Variants in HS6ST3 observed in about 807,000 individuals in gnomAD.
The protein encoded by HS6ST3 is heparan-sulfate 6-O-sulfotransferase 3.
Under a neutral mutation model 36.7 loss-of-function variants are expected in HS6ST3, and 12 were observed. That is an observed-to-expected ratio of 0.33 (90% CI 0.21 to 0.53). HS6ST3 has a LOEUF of 0.53. HS6ST3 is among the 20% of genes least tolerant of loss of function. The pLI, the probability that HS6ST3 is intolerant of heterozygous loss-of-function variation, is 0.95. For missense variants in HS6ST3, 584 were observed against 640.9 expected, an observed-to-expected ratio of 0.91 and a Z score of 0.96; for synonymous variants, 240 against 257.5, an observed-to-expected ratio of 0.93 and a Z score of 0.65.
intron 1 of HS6ST3, among the ~76,000 whole-genome samples, chr13:96,499,930 T>A (rs973852395): frequency 2.6e-5 from 4 of 152,206 alleles, no homozygotes; most frequent in Non-Finnish European, 4.4e-5. Flanking sequence ...TACAGCTTTA[T>A]TCAGATATGA....
At chr13:96,500,230 G>A (rs1423277436) in intron 1 of HS6ST3, among the ~76,000 whole-genome samples, 1 of 152,070 alleles carries the variant, frequency 6.6e-6, no homozygotes, top group Admixed American at 6.5e-5. Flanking sequence ...ATGTCTTCAA[G>A]GCTCATCCAT....
chr13:96,132,427 C>G (rs1004058499), intron 1 of HS6ST3, among the ~76,000 whole-genome samples: 21 of 149,608 alleles, frequency 1.4e-4, no homozygotes, highest in African/African-American at 4.2e-4. Flanking sequence ...TTTTTTAAGA[C>G]AGGGTCTTGC....
chr13:96,134,096 T>G (rs145992662), intron 1 of HS6ST3, among the ~76,000 whole-genome samples: 3,053 of 152,224 alleles, frequency 0.02, 87 homozygotes, highest in African/African-American at 0.068. Context: ...GACTGTAAGT[T>G]CATGGATTTA....
chr13:96,650,125 C>G (rs1205025240), intron 1 of HS6ST3, among the ~76,000 whole-genome samples: 1 of 152,016 alleles, frequency 6.6e-6, no homozygotes, highest in Admixed American at 6.6e-5. Context: ...TCCCACTTCT[C>G]TCAATGCTGA....
At chr13:96,232,503 A>G (rs2054513603) in intron 1 of HS6ST3, among the ~76,000 whole-genome samples, 2 of 152,128 alleles carry the variant, frequency 1.3e-5, no homozygotes, top group Admixed American at 6.5e-5. Context: ...TCCACCAGAG[A>G]GGGCTAAAAG....
At chr13:96,720,723 T>C (rs1169465068) in intron 1 of HS6ST3, among the ~76,000 whole-genome samples, 2 of 152,326 alleles carry the variant, frequency 1.3e-5, no homozygotes, top group East Asian at 1.9e-4. Flanking sequence ...TGCAAAGCAA[T>C]ATGGAAATAA....
intron 1 of HS6ST3, among the ~76,000 whole-genome samples, chr13:96,695,305 G>A (rs192133062): frequency 6.6e-6 from 1 of 152,228 alleles, no homozygotes; most frequent in Non-Finnish European, 1.5e-5. Flanking sequence ...TCCTTTGAAG[G>A]TGTTGCAGTT....
intron 1 of HS6ST3, among the ~76,000 whole-genome samples, chr13:96,764,276 G>C (rs959065691): frequency 6.6e-6 from 1 of 152,186 alleles, no homozygotes; most frequent in Admixed American, 6.5e-5. Context: ...ACTGTAGTTT[G>C]AAAGTGATTG....
intron 1 of HS6ST3, among the ~76,000 whole-genome samples, chr13:96,805,966 C>T (rs1012380396): frequency 1.3e-5 from 2 of 152,238 alleles, no homozygotes; most frequent in Non-Finnish European, 2.9e-5. Context: ...AACCCAAAGA[C>T]GTATTTTAGG....
At chr13:96,203,753 T>C (rs2054354988) in intron 1 of HS6ST3, among the ~76,000 whole-genome samples, 1 of 152,160 alleles carries the variant, frequency 6.6e-6, no homozygotes, top group South Asian at 2.1e-4. Context: ...AACACTTTCC[T>C]AGTGAAAGGG....
intron 1 of HS6ST3, among the ~76,000 whole-genome samples, chr13:96,217,024 C>T (rs972144633): frequency 2.6e-5 from 4 of 152,120 alleles, no homozygotes; most frequent in South Asian, 4.1e-4. Context: ...TTCTGTGTTC[C>T]GCCTGCACCC....
At chr13:96,392,387 C>G (rs2055400174) in intron 1 of HS6ST3, among the ~76,000 whole-genome samples, 2 of 152,044 alleles carry the variant, frequency 1.3e-5, no homozygotes. Context: ...AGGATGAGGC[C>G]CCTGTCCTAA....
At chr13:96,345,725 A>G (rs1430240193) in intron 1 of HS6ST3, among the ~76,000 whole-genome samples, 1 of 152,216 alleles carries the variant, frequency 6.6e-6, no homozygotes, top group Non-Finnish European at 1.5e-5. Flanking sequence ...ACCTCAGATC[A>G]TCAGGCATTA....
chr13:96,626,155 T>A (rs1294924081), intron 1 of HS6ST3, among the ~76,000 whole-genome samples: 1 of 152,150 alleles, frequency 6.6e-6, no homozygotes, highest in Non-Finnish European at 1.5e-5. Flanking sequence ...AAAGAGAAAT[T>A]CTTAATTTTA....
chr13:96,755,608 C>T (rs1375665762), intron 1 of HS6ST3, among the ~76,000 whole-genome samples: 1 of 152,150 alleles, frequency 6.6e-6, no homozygotes, highest in Admixed American at 6.6e-5. Flanking sequence ...TGTGATCCAC[C>T]TGCTTTGGCC....
chr13:96,784,054 A>G (rs533381499), intron 1 of HS6ST3, among the ~76,000 whole-genome samples: 1 of 151,296 alleles, frequency 6.6e-6, no homozygotes, highest in South Asian at 2.1e-4. Context: ...ATTCATCACT[A>G]TTGGGAGATT....
At chr13:96,574,346 T>C (rs1652149493) in intron 1 of HS6ST3, 1 of 403,112 alleles carries the variant, frequency 2.5e-6, no homozygotes, top group African/African-American at 2.1e-5. Context: ...GAAAGGTAGC[T>C]TTAAGGATCC....
intron 1 of HS6ST3, among the ~76,000 whole-genome samples, chr13:96,586,025 C>A (rs1206872434): frequency 6.6e-6 from 1 of 152,092 alleles, no homozygotes; most frequent in Non-Finnish European, 1.5e-5. Flanking sequence ...ACATTCCCAT[C>A]AAAAGTATAT....
intron 1 of HS6ST3, among the ~76,000 whole-genome samples, chr13:96,740,086 A>G (rs1876397933): frequency 1.3e-5 from 2 of 151,806 alleles, no homozygotes; most frequent in South Asian, 4.2e-4. Context: ...TCTCTGTTTG[A>G]TTTTTTCTCC....
Sources: allele counts gnomAD v4.1 joint callset (sites outside exome capture counted in the v4.1 genomes callset), GRCh38; gene constraint gnomAD v4.1.1; transcripts MANE v1.5; gene names NCBI Gene and HGNC (gene_info 2026-07-23, HGNC 2026-07-21).